Variants in MARCHF1 observed in about 807,000 individuals in gnomAD.
MARCHF1 encodes the protein E3 ubiquitin-protein ligase MARCHF1.
In MARCHF1, 40 loss-of-function variants were observed where a neutral mutation model predicts 54.2. The observed-to-expected ratio is 0.74, with a 90% CI of 0.57 to 0.96. The LOEUF (loss-of-function observed/expected upper bound fraction) is 0.96. Among genes scored for constraint, MARCHF1 ranks in the 40% least tolerant of loss-of-function variants. The probability of loss-of-function intolerance (pLI) is 0.00; values close to 1 mark genes in which losing one functional copy is unlikely to be tolerated. For synonymous variants in MARCHF1, 236 were observed against 236.3 expected, an observed-to-expected ratio of 1.00 and a Z score of 0.01; for missense variants, 586 against 656.5, an observed-to-expected ratio of 0.89 and a Z score of 1.17.
chr4:164,326,018 A>G (rs375941577), intron 1 of MARCHF1, among the ~76,000 whole-genome samples: 1 of 152,216 alleles, frequency 6.6e-6, no homozygotes, highest in East Asian at 1.9e-4. Context: ...TTCAATTTTA[A>G]TAAGTGCTTG....
chr4:163,688,353 T>G (rs910464190), intron 5 of MARCHF1, among the ~76,000 whole-genome samples: 1 of 152,180 alleles, frequency 6.6e-6, no homozygotes, highest in South Asian at 2.1e-4. Flanking sequence ...GGATTAAAGA[T>G]GATTTTAAAA....
intron 4 of MARCHF1, among the ~76,000 whole-genome samples, chr4:163,738,571 G>A (rs1173628079): frequency 6.6e-6 from 1 of 152,078 alleles, no homozygotes; most frequent in African/African-American, 2.4e-5. Flanking sequence ...TACCAAAATA[G>A]GTCCACAATG....
chr4:164,047,205 G>A (rs1481371315), intron 2 of MARCHF1, among the ~76,000 whole-genome samples: 1 of 152,124 alleles, frequency 6.6e-6, no homozygotes, highest in Non-Finnish European at 1.5e-5. Flanking sequence ...TCTGAAAGCT[G>A]GGAATGACTT....
chr4:164,244,164 G>T (rs570620856), intron 1 of MARCHF1, among the ~76,000 whole-genome samples: 1 of 151,852 alleles, frequency 6.6e-6, no homozygotes, highest in East Asian at 1.9e-4. Flanking sequence ...ATTTTTTTCA[G>T]CACCACACCA....
At chr4:164,347,200 T>G in intron 1 of MARCHF1, among the ~76,000 whole-genome samples, 1 of 152,190 alleles carries the variant, frequency 6.6e-6, no homozygotes, top group South Asian at 2.1e-4. Flanking sequence ...CTAAGCTAAA[T>G]GAAGAAGTGA....
At chr4:164,171,727 T>G (rs1730530771) in intron 1 of MARCHF1, among the ~76,000 whole-genome samples, 2 of 152,194 alleles carry the variant, frequency 1.3e-5, no homozygotes, top group South Asian at 2.1e-4. Flanking sequence ...ATACTGACTT[T>G]TTCTGTCATC....
At chr4:163,702,823 C>T (rs1744846352) in intron 4 of MARCHF1, among the ~76,000 whole-genome samples, 1 of 152,168 alleles carries the variant, frequency 6.6e-6, no homozygotes, top group Admixed American at 6.6e-5. Context: ...AATAAACAAA[C>T]TTAGGCAAAG....
At chr4:163,898,826 A>G (rs1232099044) in intron 3 of MARCHF1, among the ~76,000 whole-genome samples, 1 of 152,204 alleles carries the variant, frequency 6.6e-6, no homozygotes, top group Non-Finnish European at 1.5e-5. Flanking sequence ...AAAATGCGGT[A>G]TATATACACC....
chr4:163,867,172 G>T (rs544701852), intron 3 of MARCHF1, among the ~76,000 whole-genome samples: 1 of 151,944 alleles, frequency 6.6e-6, no homozygotes, highest in African/African-American at 2.4e-5. Context: ...CTAGGGACTC[G>T]CCATGAGTCA....
At chr4:164,065,763 G>A (rs1174765770) in intron 2 of MARCHF1, among the ~76,000 whole-genome samples, 1 of 152,156 alleles carries the variant, frequency 6.6e-6, no homozygotes, top group African/African-American at 2.4e-5. Context: ...GAAGGCTTGA[G>A]AGCCCCAGGC....
chr4:163,576,020 T>C (rs1389798621), intron 8 of MARCHF1, among the ~76,000 whole-genome samples: 2 of 151,858 alleles, frequency 1.3e-5, no homozygotes, highest in African/African-American at 4.8e-5. Context: ...TTTTGTATGC[T>C]TTTTTTGGTT....
rs188301591 is a variant in MARCHF1, at chr4:164,088,279, C to T, written c.-248+23309G>A. On this transcript the variant is annotated intron_variant, in intron 2 of 9. Transcript: ENST00000514618. ...GAGATAAATTGGCGTTCAAAGGTTCCCATGAGAAGTAAAGTTTGATAATTC... is the reference window on the plus strand; with the variant it reads ...GAGATAAATTGGCGTTCAAAGGTTCTCATGAGAAGTAAAGTTTGATAATTC... Among the ~76,000 whole-genome samples the T allele has an allele frequency of 2.5e-3, 382 of 152,128 alleles. 5 individuals are homozygous for T. Among genetic ancestry groups the T allele is most frequent in the African/African-American group, 8.9e-3 (368 of 41,522 alleles).
chr4:164,130,887 T>C (rs1756287069), intron 1 of MARCHF1, among the ~76,000 whole-genome samples: 1 of 152,216 alleles, frequency 6.6e-6, no homozygotes, highest in African/African-American at 2.4e-5. Context: ...TCCCATTACA[T>C]GTTTAAATGT....
At chr4:163,906,890 T>C (rs77718359) in intron 3 of MARCHF1, among the ~76,000 whole-genome samples, 1,923 of 152,054 alleles carry the variant, frequency 0.013, 42 homozygotes, top group African/African-American at 0.044. Flanking sequence ...TTGTATGCTT[T>C]TGAGATTCAT....
intron 4 of MARCHF1, among the ~76,000 whole-genome samples, chr4:163,785,350 G>T (rs1178977422): frequency 1.3e-5 from 2 of 152,038 alleles, no homozygotes; most frequent in African/African-American, 4.8e-5. Flanking sequence ...TCATCCATTT[G>T]TATAGCTTGC....
chr4:164,064,637 ATTTC>A (rs1287324462), intron 2 of MARCHF1, among the ~76,000 whole-genome samples: 5 of 152,200 alleles, frequency 3.3e-5, no homozygotes, highest in Middle Eastern at 3.4e-3. Context: ...GATGCCCTTT[ATTTC>A]TTTCTGTTGC....
At chr4:164,348,482 T>C (rs915918006) in intron 1 of MARCHF1, among the ~76,000 whole-genome samples, 2 of 152,156 alleles carry the variant, frequency 1.3e-5, no homozygotes, top group African/African-American at 4.8e-5. Flanking sequence ...GACATAGATA[T>C]GACGTAGCTT....
chr4:164,149,640 A>G (rs538941585), intron 1 of MARCHF1, among the ~76,000 whole-genome samples: 19 of 152,196 alleles, frequency 1.2e-4, no homozygotes, highest in African/African-American at 4.1e-4. Flanking sequence ...TTCAGTAAAA[A>G]CAGCCATTTT....
intron 1 of MARCHF1, among the ~76,000 whole-genome samples, chr4:164,274,240 T>C (rs1403641781): frequency 6.6e-6 from 1 of 152,210 alleles, no homozygotes; most frequent in East Asian, 1.9e-4. Context: ...GAAAATCGTA[T>C]TTTATACGTA....
Sources: allele counts gnomAD v4.1 joint callset (sites outside exome capture counted in the v4.1 genomes callset), GRCh38; gene constraint gnomAD v4.1.1; transcripts MANE v1.5; gene names NCBI Gene and HGNC (gene_info 2026-07-23, HGNC 2026-07-21).